The following VWA7 variants were observed in gnomAD, a reference collection of about 807,000 sequenced individuals.
VWA7 encodes von Willebrand factor A domain containing 7, also known as von Willebrand factor A domain-containing protein 7.
In VWA7, 66 loss-of-function variants were observed where a neutral mutation model predicts 83.1. The observed-to-expected ratio is 0.79, with a 90% CI of 0.65 to 0.98. The LOEUF (loss-of-function observed/expected upper bound fraction) is 0.98. VWA7 is among the 50% of genes least tolerant of loss of function. VWA7 has a pLI of 0.00. For missense variants in VWA7, 1,080 were observed against 1,160.2 expected, an observed-to-expected ratio of 0.93 and a Z score of 1.00; for synonymous variants, 424 against 488.5, an observed-to-expected ratio of 0.87 and a Z score of 1.74.
chr6:31,768,254 T>G (rs1811828779), intron 10 of VWA7, among the ~76,000 whole-genome samples: 1 of 151,884 alleles, frequency 6.6e-6, no homozygotes, highest in Non-Finnish European at 1.5e-5. Context: ...GAAGTTATTA[T>G]GGTCAGAGAC....
Position 31,768,159 on chromosome 6 carries a change from AAAAG to A in VWA7, c.1504-409_1504-406del, listed in dbSNP as rs1562268479. Among the ~76,000 whole-genome samples the A allele has an allele frequency of 3.7e-4, 54 of 147,672 alleles. 1 individual carries two copies. The South Asian group carries it at 8.0e-3, about 22-fold the overall frequency. On this transcript the variant is annotated intron_variant, in intron 10 of 16. Transcript: ENST00000375688. Reference sequence around the variant, plus strand: ...TGTCTCAAAAAAAAAAAAAAAAAAAAAAAGAAAGAAAAAGAAAAAAGAAAGAAAC... The same window carrying A: ...TGTCTCAAAAAAAAAAAAAAAAAAAAAAAGAAAAAGAAAAAAGAAAGAAAC...
Position 31,770,123 on chromosome 6 carries a change from G to A in VWA7, c.1088-10C>T, listed in dbSNP as rs1010495770. The A allele has an allele frequency of 8.1e-6, 13 of 1,609,996 alleles. No homozygotes were observed. The highest frequency in any genetic ancestry group is 1.3e-5 in the African/African-American group (1 of 74,836). ...AAGACAGGGCCGAACCCTGGGAAGG[G>A]GAAAGGAGGTTAAGATAAGTGAGGA... On this transcript the variant is annotated splice_polypyrimidine_tract_variant and intron_variant, in intron 7 of 16. Coordinates refer to ENST00000375688, the MANE Select transcript of VWA7 (RefSeq NM_025258.3).
rs1812407777 is a variant in VWA7 at position 31,773,572 on chromosome 6, C to T, written c.722-135G>A. 3.2e-6 allele frequency: 3 copies of T among 933,340 alleles called. No homozygotes were observed. Among genetic ancestry groups the T allele is most frequent in the East Asian group, 2.7e-5 (1 of 36,984 alleles). The allele number at this position is 933,340 out of a possible 1,614,324, so 57.8% of individuals were successfully genotyped here. A position where few individuals can be genotyped will look rare whatever the true frequency, so the allele number is the denominator to read the frequency against. On this transcript the variant is annotated intron_variant, in intron 5 of 16. Transcript: ENST00000375688. The surrounding 1 kb of genome is among the most constrained non-coding windows in gnomAD (Gnocchi z 5.3). ...CAGCAAGAAATGATGACGGGGTTGG[C>T]GCGGTGGCTCACGCCTGGAATCCCA...
At position 31,776,214 on chromosome 6, in the gene VWA7, A is replaced by G; in HGVS notation, c.263T>C (p.Phe88Ser). 1 of 1,613,878 alleles carries G rather than the reference A, an allele frequency of 6.2e-7. No individual in the cohort carries two copies. The highest frequency in any genetic ancestry group is 8.5e-7 in the Non-Finnish European group (1 of 1,179,978). ...LGRTLLADDL[F>S]AAYFGPGSSR... Reference sequence around the variant, plus strand: ...AGAACCAGGTCCAAAGTAGGCGGCAAAGAGGTCATCAGCAAGGAGTGTTCG... The same window carrying G: ...AGAACCAGGTCCAAAGTAGGCGGCAGAGAGGTCATCAGCAAGGAGTGTTCG... Residue 88 changes from phenylalanine to serine, a missense_variant, in exon 3 of 17, where the codon TTT (phenylalanine) becomes TCT (serine). Coordinates refer to ENST00000375688, the MANE Select transcript of VWA7 (RefSeq NM_025258.3). This position sits in a 1 kb window ranked among gnomAD's most constrained non-coding sequence, Gnocchi z 6.2.
intron 7 of VWA7, among the ~76,000 whole-genome samples, chr6:31,772,345 T>G (rs1431695886): frequency 6.6e-6 from 1 of 151,842 alleles, no homozygotes; most frequent in Non-Finnish European, 1.5e-5. Context: ...GAGACCTGTG[T>G]TTCTCTGTGT....
Position 31,765,987 on chromosome 6 carries a change from C to G in VWA7, c.2395G>C (p.Asp799His). Residue 799 changes from aspartate to histidine, a missense_variant, in exon 16 of 17, where the codon GAT (aspartate) becomes CAT (histidine). By Grantham distance (81) the Asp-to-His change is moderately conservative. Coordinates refer to ENST00000375688, the MANE Select transcript of VWA7 (RefSeq NM_025258.3). ...WLEVPDSAAP[D>H]SVVMVTVTAG... ...GTCACAGTCACCATCACCACGGAATCCGGGGCCGCTGAATCTGGGACCTCC... is the reference window on the plus strand; with the variant it reads ...GTCACAGTCACCATCACCACGGAATGCGGGGCCGCTGAATCTGGGACCTCC... 1.2e-6 allele frequency: 2 copies of G among 1,613,036 alleles called. No homozygotes were observed. The highest frequency in any genetic ancestry group is 1.7e-6 in the Non-Finnish European group (2 of 1,180,024).
rs1812599108 is a variant in VWA7, at chr6:31,775,502, C to T, written c.514-73G>A. Reference sequence around the variant, plus strand: ...TCTCACCATCTCCAGCACTAATATGCCACTCCTTTGAGTTCCCCATCCCGA... The same window carrying T: ...TCTCACCATCTCCAGCACTAATATGTCACTCCTTTGAGTTCCCCATCCCGA... On this transcript the variant is annotated intron_variant, in intron 3 of 16. Coordinates refer to ENST00000375688, the MANE Select transcript of VWA7 (RefSeq NM_025258.3). This position sits in a 1 kb window ranked among gnomAD's most constrained non-coding sequence, Gnocchi z 5.9. The T allele has an allele frequency of 1.4e-6, 2 of 1,382,122 alleles. No individual in the cohort carries two copies. The highest frequency in any genetic ancestry group is 2.0e-6 in the Non-Finnish European group (2 of 1,001,080). The allele number at this position is 1,382,122 out of a possible 1,614,324, so 85.6% of individuals were successfully genotyped here.
At position 31,773,069 on chromosome 6, in the gene VWA7, G is replaced by A. The variant is rs768059366; in HGVS notation, c.972C>T (p.Gly324=). The change falls in exon 7 of 17, where the codon GGC becomes GGT. Residue 324 remains glycine, a synonymous_variant. Coordinates refer to ENST00000375688, the MANE Select transcript of VWA7 (RefSeq NM_025258.3). The surrounding 1 kb of genome is among the most constrained non-coding windows in gnomAD (Gnocchi z 5.3). Reference sequence around the variant, plus strand: ...CAGCGTTGATCTCCTCACCCATGCTGCCCGTGGTGTCCAGGACAAAGCTCA... The same window carrying A: ...CAGCGTTGATCTCCTCACCCATGCTACCCGTGGTGTCCAGGACAAAGCTCA... ...SSLSFVLDTT[G]SMGEEINAAK... The A allele has an allele frequency of 5.6e-6, 9 of 1,612,356 alleles. No homozygotes were observed. In the East Asian group the frequency reaches 8.9e-5, roughly 16 times the overall value.
intron 5 of VWA7, 101 bp downstream of exon 5, chr6:31,774,415 G>A: frequency 4.4e-6 from 5 of 1,133,922 alleles, no homozygotes; most frequent in Non-Finnish European, 2.5e-6. Flanking sequence ...TCTCCTCCTA[G>A]GAGGAGATGC....
chr6:31,774,859 G>A (rs962743168), intron 4 of VWA7, among the ~76,000 whole-genome samples: 3 of 152,114 alleles, frequency 2.0e-5, no homozygotes, highest in Non-Finnish European at 2.9e-5. Context: ...GGTGGCTCAC[G>A]ACTGTAATCC....
intron 10 of VWA7, among the ~76,000 whole-genome samples, chr6:31,768,195 A>C (rs1811823719): frequency 6.6e-6 from 1 of 152,134 alleles, no homozygotes; most frequent in Admixed American, 6.5e-5. Flanking sequence ...AAACCACGTC[A>C]AACAGGCAGA....
intron 10 of VWA7, among the ~76,000 whole-genome samples, chr6:31,768,455 G>C (rs1209863717): frequency 6.6e-6 from 1 of 152,006 alleles, no homozygotes; most frequent in African/African-American, 2.4e-5. Context: ...CAAAATACAA[G>C]CCACCTCCCC....
chr6:31,769,535 T>G lies in VWA7; in HGVS notation c.1317+140A>C, dbSNP rs550063722. ...TTAAAGGTATCAGGAAATGTTCCAC[T>G]CATTGTCTGCTTCTCCCACCATATA... On this transcript the variant is annotated intron_variant, in intron 9 of 16. Coordinates refer to ENST00000375688, the MANE Select transcript of VWA7 (RefSeq NM_025258.3). This position sits in a 1 kb window ranked among gnomAD's most constrained non-coding sequence, Gnocchi z 4.5. 1.3e-6 allele frequency: 1 copy of G among 779,352 alleles called. No individual in the cohort carries two copies. The highest frequency in any genetic ancestry group is 1.7e-5 in the African/African-American group (1 of 58,478). 48.3% of individuals were successfully genotyped at this position (779,352 alleles called of 1,614,324 possible).
rs1811535153 is a variant in VWA7 at position 31,766,113 on chromosome 6, G to A, written c.2325-56C>T. On this transcript the variant is annotated intron_variant, in intron 15 of 16. Coordinates refer to ENST00000375688, the MANE Select transcript of VWA7 (RefSeq NM_025258.3). The surrounding 1 kb of genome is among the most constrained non-coding windows in gnomAD (Gnocchi z 4.9). The stretch of plus-strand genomic sequence containing the variant: ...TCCAGGCTGCCCAGAGCCTAGAGTC[G>A]GGACGCCTGCAGGGGCACGGGAGCG... The A allele has an allele frequency of 1.2e-6, 2 of 1,602,884 alleles. No individual in the cohort carries two copies. The highest frequency in any genetic ancestry group is 1.1e-5 in the South Asian group (1 of 90,686).
In VWA7 at chr6:31,775,451, G is replaced by A; in HGVS notation, c.514-22C>T. 1 of 1,603,290 alleles carries A rather than the reference G, an allele frequency of 6.2e-7. No homozygotes were observed. Among genetic ancestry groups the A allele is most frequent in the Non-Finnish European group, 8.5e-7 (1 of 1,173,676 alleles). ...AATCCTGGTCCGGAGGACAGGAGAA[G>A]GGGAGTGAGGCACTAGTCTGGCCTT... On this transcript the variant is annotated intron_variant, in intron 3 of 16. Coordinates refer to ENST00000375688, the MANE Select transcript of VWA7 (RefSeq NM_025258.3). The surrounding 1 kb of genome is among the most constrained non-coding windows in gnomAD (Gnocchi z 5.9).
chr6:31,766,486 T>C lies in VWA7; in HGVS notation c.2161A>G (p.Thr721Ala), dbSNP rs1400279075. ...ACCTCCAGAAGGACAGGGACTACAG[T>C]GCTAGGCTGAGGGGCAGCCCTGTGC... ...RLHRAAPQPS[T>A]VVPVLLELSG... is the part of the protein sequence containing the mutation. The change falls in exon 14 of 17, where the codon ACT becomes GCT. Residue 721 changes from threonine (T) to alanine (A), a missense_variant. Physicochemically the swap from Thr to Ala is moderately conservative, Grantham distance 58 (BLOSUM62 0). Transcript: ENST00000375688. This position sits in a 1 kb window ranked among gnomAD's most constrained non-coding sequence, Gnocchi z 4.9. 6.2e-7 allele frequency: 1 copy of C among 1,602,104 alleles called. No homozygotes were observed. The highest frequency in any genetic ancestry group is 1.3e-5 in the African/African-American group (1 of 74,646).
chr6:31,767,391 G>A lies in VWA7; in HGVS notation c.1760C>T (p.Ala587Val). 2 of 1,613,192 alleles carry A rather than the reference G, an allele frequency of 1.2e-6. No homozygotes were observed. The highest frequency in any genetic ancestry group is 1.7e-6 in the Non-Finnish European group (2 of 1,179,860). ...CACTCTCACCCCAGGGGTGTCCTCA[G>A]CTGTGACCTGGATCTCCCAGGTTCC... The part of the protein sequence containing the change: ...QTGTWEIQVT[A>V]EDTPGVRVQA... Residue 587 changes from alanine (A) to valine (V), a missense_variant, in exon 12 of 17, where the codon GCT becomes GTT. Transcript: ENST00000375688.
rs115526889 is a variant in VWA7, at chr6:31,770,041, C to G, written c.1160G>C (p.Gly387Ala). The G allele has an allele frequency of 0.019, 29,874 of 1,612,832 alleles. 373 individuals are homozygous for G. Among genetic ancestry groups the G allele is most frequent in the Non-Finnish European group, 0.023 (26,565 of 1,179,944 alleles). ...GCACATCTCAGGCTCGTCTCCACCC[C>G]CCAAGGCATGGATCTCATTAAGCTG... ...WQQLNEIHAL[G>A]GGDEPEMCLS... The change falls in exon 8 of 17, where the codon GGG becomes GCG. Residue 387 changes from glycine (G) to alanine (A), a missense_variant. Gly to Ala is a moderately conservative substitution (Grantham distance 60, BLOSUM62 0). Transcript: ENST00000375688.
At chr6:31,770,297 T>C (rs1812050452) in intron 7 of VWA7, among the ~76,000 whole-genome samples, 184 bp from the exon 8 acceptor site, 1 of 151,864 alleles carries the variant, frequency 6.6e-6, no homozygotes, top group Admixed American at 6.6e-5. Flanking sequence ...ATCCCAGCAT[T>C]TTGGGAGGCC....
Sources: gnomAD v4.1 joint callset for allele counts (sites outside exome capture counted in the v4.1 genomes callset) on GRCh38, gnomAD v4.1.1 for gene constraint, Gnocchi (gnomAD v3.1) non-coding constraint, MANE v1.5 for transcripts, NCBI Gene and HGNC (gene_info 2026-07-23, HGNC 2026-07-21) for gene names.